The following DENND4B variants were observed in gnomAD, a reference collection of about 807,000 sequenced individuals.
The protein encoded by DENND4B is DENN domain containing 4B.
DENND4B carries 67 observed loss-of-function variants against 161.0 expected under a neutral mutation model. The observed-to-expected ratio is 0.42, with a 90% CI of 0.34 to 0.51. The LOEUF is 0.51. DENND4B is among the 20% of genes least tolerant of loss of function. The pLI, the probability that DENND4B is intolerant of heterozygous loss-of-function variation, is 0.08. For missense variants in DENND4B, 1,481 were observed against 1,968.0 expected (o/e 0.75, Z 4.68); for synonymous variants, 753 against 813.8 (o/e 0.93, Z 1.27).
Position 153,934,063 on chromosome 1 carries a change from C to T in DENND4B, c.2941+72G>A. On this transcript the variant is annotated intron_variant, in intron 19 of 27. Coordinates refer to ENST00000361217, the MANE Select transcript of DENND4B (RefSeq NM_014856.3). The surrounding 1 kb of genome is among the most constrained non-coding windows in gnomAD (Gnocchi z 5.3). ...GGCCGCCCTCCACTCTGTTTCTGGT[C>T]TTCCCCACCTCACTAGCAAGTGGTT... 6.8e-7 allele frequency: 1 copy of T among 1,476,380 alleles called. No homozygotes were observed. Among genetic ancestry groups the T allele is most frequent in the Non-Finnish European group, 9.0e-7 (1 of 1,116,136 alleles). 91.5% of individuals were successfully genotyped at this position (1,476,380 alleles called of 1,614,324 possible). A position where few individuals can be genotyped will look rare whatever the true frequency, so the allele number is the denominator to read the frequency against.
rs200600366 is a variant in DENND4B at position 153,930,964 on chromosome 1, A to G, written c.4097T>C (p.Val1366Ala). The change falls in exon 25 of 28, where the codon GTG becomes GCG. Residue 1366 changes from valine (V) to alanine (A), a missense_variant. Val to Ala is a moderately conservative substitution (Grantham distance 64). Coordinates refer to ENST00000361217, the MANE Select transcript of DENND4B (RefSeq NM_014856.3). This position sits in a 1 kb window ranked among gnomAD's most constrained non-coding sequence, Gnocchi z 4.7. ...AGACTCACTGTGGACCCTCCAGAGCACATAGAGAGGTGGGCAGCTATTGGG... is the reference window on the plus strand; with the variant it reads ...AGACTCACTGTGGACCCTCCAGAGCGCATAGAGAGGTGGGCAGCTATTGGG... ...PDPNSCPPLY[V>A]LWRVHSQIPQ... 2.6e-5 allele frequency: 42 copies of G among 1,608,496 alleles called. No individual in the cohort carries two copies. Among genetic ancestry groups the G allele is most frequent in the Non-Finnish European group, 3.5e-5 (41 of 1,177,728 alleles).
At position 153,932,640 on chromosome 1, in the gene DENND4B, AC is replaced by A. The variant is rs1256164688; in HGVS notation, c.3759+1del. On this transcript the variant is annotated splice_donor_variant, in intron 23 of 27. Transcript: ENST00000361217. LOFTEE classifies it high-confidence loss of function. This position sits in a 1 kb window ranked among gnomAD's most constrained non-coding sequence, Gnocchi z 5.8. ...CTCATGCCCCTTTGGCCCAGCCCTT[AC>A]CCCCATGTGCCCGTTGCAGAGCTGG... 1.2e-6 allele frequency: 2 copies of A among 1,611,234 alleles called. No individual in the cohort carries two copies. Among genetic ancestry groups the A allele is most frequent in the Non-Finnish European group, 1.7e-6 (2 of 1,178,312 alleles).
Position 153,936,223 on chromosome 1 carries a change from C to G in DENND4B, c.2440-35G>C. On this transcript the variant is annotated intron_variant, in intron 16 of 27. Transcript: ENST00000361217. The surrounding 1 kb of genome is among the most constrained non-coding windows in gnomAD (Gnocchi z 4.1). ...GAGAGGCACAGGACAATGGGAGACT[C>G]ACTCTCAACCAAAACCAAAGTCTCA... The G allele has an allele frequency of 6.3e-7, 1 of 1,580,396 alleles. No individual in the cohort carries two copies. Among genetic ancestry groups the G allele is most frequent in the African/African-American group, 1.3e-5 (1 of 74,266 alleles).
chr1:153,937,373 A>G lies in DENND4B; in HGVS notation c.2232+115T>C, dbSNP rs1049613896. On this transcript the variant is annotated intron_variant, in intron 15 of 27. Coordinates refer to ENST00000361217, the MANE Select transcript of DENND4B (RefSeq NM_014856.3). This position sits in a 1 kb window ranked among gnomAD's most constrained non-coding sequence, Gnocchi z 4.7. ...ATGTGCCAAGCACATTTAAACTCCTAACAACCTCATGGGTTAAGTATTATT... is the reference window on the plus strand; with the variant it reads ...ATGTGCCAAGCACATTTAAACTCCTGACAACCTCATGGGTTAAGTATTATT... 2.8e-6 allele frequency: 4 copies of G among 1,406,586 alleles called. No individual in the cohort carries two copies. The highest frequency in any genetic ancestry group is 3.7e-6 in the Non-Finnish European group (4 of 1,073,506). The allele number at this position is 1,406,586 out of a possible 1,614,324, so 87.1% of individuals were successfully genotyped here.
rs973225495 is a variant in DENND4B at position 153,942,839 on chromosome 1, C to A, written c.570+39G>T. The A allele has an allele frequency of 1.3e-6, 2 of 1,565,304 alleles. No individual in the cohort carries two copies. The highest frequency in any genetic ancestry group is 1.7e-6 in the Non-Finnish European group (2 of 1,151,620). ...TTCCCAGTGTCCACACCCACTCTTACACCAAGAGGACCAGGTGTCAGCTCT... is the reference window on the plus strand; with the variant it reads ...TTCCCAGTGTCCACACCCACTCTTAAACCAAGAGGACCAGGTGTCAGCTCT... On this transcript the variant is annotated intron_variant, in intron 3 of 27. Transcript: ENST00000361217. This position sits in a 1 kb window ranked among gnomAD's most constrained non-coding sequence, Gnocchi z 6.9.
rs2102085884 is a variant in DENND4B, at chr1:153,946,225, C to T, written c.-24+76G>A. On this transcript the variant is annotated intron_variant, in intron 1 of 27. Coordinates refer to ENST00000361217, the MANE Select transcript of DENND4B (RefSeq NM_014856.3). The surrounding 1 kb of genome is among the most constrained non-coding windows in gnomAD (Gnocchi z 6.3). ...TGAGGGACAGCAGCTGGGGGCCATC[C>T]CCCACCCCGCCTGCCGCCCGCGCTC... The T allele has an allele frequency of 1.2e-5, 4 of 325,862 alleles. No individual in the cohort carries two copies. In the South Asian group the frequency reaches 5.9e-4, roughly 48 times the overall value. 20.2% of individuals were successfully genotyped at this position (325,862 alleles called of 1,614,324 possible). A position where few individuals can be genotyped will look rare whatever the true frequency, so the allele number is the denominator to read the frequency against.
At chr1:153,939,099 C>A (rs367693291) in intron 12 of DENND4B, 54 bp from the exon 13 acceptor site, 7 of 1,587,164 alleles carry the variant, frequency 4.4e-6, no homozygotes, top group South Asian at 1.1e-5. Context: ...CTCTCCACCA[C>A]AGCCATAGCT....
chr1:153,941,822 C>T (rs1481052441), intron 6 of DENND4B, 47 bp downstream of exon 6: 2 of 1,605,402 alleles, frequency 1.2e-6, no homozygotes, highest in African/African-American at 1.3e-5. Flanking sequence ...TCCTGGCCCC[C>T]TTATCCCTTC....
At chr1:153,943,499 C>G (rs1679789469) in intron 2 of DENND4B, among the ~76,000 whole-genome samples, 2 of 152,014 alleles carry the variant, frequency 1.3e-5, no homozygotes, top group African/African-American at 4.8e-5. Flanking sequence ...CCAACATGGT[C>G]AAACCCCATC....
Position 153,942,744 on chromosome 1 carries a change from G to A in DENND4B, c.571-119C>T. On this transcript the variant is annotated intron_variant, in intron 3 of 27. Transcript: ENST00000361217. The surrounding 1 kb of genome is among the most constrained non-coding windows in gnomAD (Gnocchi z 6.9). Reference sequence around the variant, plus strand: ...CTTTAAAGCTCCCATTAATCCCAGTGCCCCAAGACCAGAGTTACCCCTCTG... The same window carrying A: ...CTTTAAAGCTCCCATTAATCCCAGTACCCCAAGACCAGAGTTACCCCTCTG... The A allele has an allele frequency of 1.4e-6, 2 of 1,473,634 alleles. No individual in the cohort carries two copies. The highest frequency in any genetic ancestry group is 1.8e-6 in the Non-Finnish European group (2 of 1,108,212). The allele number at this position is 1,473,634 out of a possible 1,614,324, so 91.3% of individuals were successfully genotyped here. A position where few individuals can be genotyped will look rare whatever the true frequency, so the allele number is the denominator to read the frequency against.
intron 1 of DENND4B, chr1:153,945,111 G>T: frequency 7.8e-7 from 1 of 1,289,374 alleles, no homozygotes; most frequent in Non-Finnish European, 1.0e-6. Context: ...GACAGAAACA[G>T]GCCCACAACA....
chr1:153,932,201 G>T lies in DENND4B; in HGVS notation c.3996+3C>A. 2 of 1,612,524 alleles carry T rather than the reference G, an allele frequency of 1.2e-6. No homozygotes were observed. The highest frequency in any genetic ancestry group is 2.2e-5 in the South Asian group (2 of 90,832). ...GAAACAGGGGCCACATGGGGGCACT[G>T]ACCTGGGAGTGCGAAGGCCCATCAC... On this transcript the variant is annotated splice_donor_region_variant and intron_variant, in intron 24 of 27. Transcript: ENST00000361217. The surrounding 1 kb of genome is among the most constrained non-coding windows in gnomAD (Gnocchi z 5.8).
Position 153,936,166 on chromosome 1 carries a change from T to C in DENND4B, c.2462A>G (p.Gln821Arg), listed in dbSNP as rs1347122399. The change falls in exon 17 of 28, where the codon CAG (glutamine) becomes CGG (arginine). Residue 821 changes from glutamine (Q) to arginine (R), a missense_variant. By Grantham distance (43) the Gln-to-Arg change is conservative (BLOSUM62 1). Transcript: ENST00000361217. The surrounding 1 kb of genome is among the most constrained non-coding windows in gnomAD (Gnocchi z 4.1). ...PDEVCYRVLM[Q>R]LCSHYGQPVL... Reference sequence around the variant, plus strand: ...AGGCTGCCCATAGTGTGAGCAGAGCTGCATCAGTACCCGGTAACACACCTG... The same window carrying C: ...AGGCTGCCCATAGTGTGAGCAGAGCCGCATCAGTACCCGGTAACACACCTG... 1 of 1,608,114 alleles carries C rather than the reference T, an allele frequency of 6.2e-7. No homozygotes were observed. Among genetic ancestry groups the C allele is most frequent in the East Asian group, 2.2e-5 (1 of 44,646 alleles).
In DENND4B at chr1:153,937,966, A is replaced by G; in HGVS notation, c.1966-103T>C. On this transcript the variant is annotated intron_variant, in intron 13 of 27. Transcript: ENST00000361217. This position sits in a 1 kb window ranked among gnomAD's most constrained non-coding sequence, Gnocchi z 4.7. ...TCCCAGGAAAGCTCATCCACAAGGA[A>G]AGAGACACAGCCTGGGAAGATGGCG... 1 of 1,523,666 alleles carries G rather than the reference A, an allele frequency of 6.6e-7. No individual in the cohort carries two copies. Among genetic ancestry groups the G allele is most frequent in the Non-Finnish European group, 9.0e-7 (1 of 1,114,032 alleles). The allele number at this position is 1,523,666 out of a possible 1,614,324, so 94.4% of individuals were successfully genotyped here.
Position 153,942,043 on chromosome 1 carries a change from G to T in DENND4B, c.881C>A (p.Ala294Glu), listed in dbSNP as rs1679704189. Residue 294 changes from alanine (A) to glutamate (E), a missense_variant, in exon 6 of 28, where the codon GCA becomes GAA. By Grantham distance (107) the Ala-to-Glu change is moderately radical (BLOSUM62 -1). Transcript: ENST00000361217. This position sits in a 1 kb window ranked among gnomAD's most constrained non-coding sequence, Gnocchi z 6.9. ...CTCCACGGCGCTCAGCAGGCCCAGT[G>T]CCCGTGCCTGTCGCTCTGATAGCCT... is the stretch of plus-strand genomic sequence containing the variant. ...RARLSERQAR[A>E]LGLLSAVERG... is the part of the protein sequence containing the mutation. 1.2e-6 allele frequency: 2 copies of T among 1,611,600 alleles called. No individual in the cohort carries two copies. The highest frequency in any genetic ancestry group is 1.3e-5 in the African/African-American group (1 of 74,990).
chr1:153,935,985 G>T, intron 17 of DENND4B, 75 bp downstream of exon 17: 1 of 1,566,412 alleles, frequency 6.4e-7, no homozygotes, highest in Non-Finnish European at 8.7e-7. Context: ...TCCAAGGAGC[G>T]AGGGGAGCAG....
Position 153,934,993 on chromosome 1 carries a change from C to G in DENND4B, c.2569-29G>C, listed in dbSNP as rs1213324709. The G allele has an allele frequency of 6.2e-7, 1 of 1,603,936 alleles. No individual in the cohort carries two copies. The highest frequency in any genetic ancestry group is 1.1e-5 in the South Asian group (1 of 90,962). On this transcript the variant is annotated intron_variant, in intron 17 of 27. Transcript: ENST00000361217. This position sits in a 1 kb window ranked among gnomAD's most constrained non-coding sequence, Gnocchi z 5.3. ...CCAAGCACAGTGCCCATCAGGATGG[C>G]CTACCTCGACACCCTAACCCTGCCT...
Position 153,945,185 on chromosome 1 carries a change from C to T in DENND4B, c.-23-788G>A, listed in dbSNP as rs1055412199. On this transcript the variant is annotated intron_variant, in intron 1 of 27. Coordinates refer to ENST00000361217, the MANE Select transcript of DENND4B (RefSeq NM_014856.3). ...AGTAGGAGCCCCAAGGGTCCTGAGG[C>T]GCCCCAGGGTGCAGAAGCTGGGAAA... 1.4e-5 allele frequency: 18 copies of T among 1,289,162 alleles called. No homozygotes were observed. The Admixed American group carries it at 3.4e-4, about 25-fold the overall frequency. 79.9% of individuals were successfully genotyped at this position (1,289,162 alleles called of 1,614,324 possible).
chr1:153,944,755 A>T lies in DENND4B; in HGVS notation c.-23-358T>A, dbSNP rs1679871082. On this transcript the variant is annotated intron_variant, in intron 1 of 27. Transcript: ENST00000361217. The surrounding 1 kb of genome is among the most constrained non-coding windows in gnomAD (Gnocchi z 4.8). ...GTAATAGCCTTCCATGACATCATTC[A>T]TGCTGGCCATGACATCATACCAACC... Among the ~76,000 whole-genome samples the T allele has an allele frequency of 6.6e-6, 1 of 152,206 alleles. No individual in the cohort carries two copies. The highest frequency in any genetic ancestry group is 2.1e-4 in the South Asian group (1 of 4,836).
Sources: allele counts gnomAD v4.1 joint callset (sites outside exome capture counted in the v4.1 genomes callset), GRCh38; gene constraint gnomAD v4.1.1; non-coding constraint Gnocchi (gnomAD v3.1); transcripts MANE v1.5; gene names NCBI Gene and HGNC (gene_info 2026-07-23, HGNC 2026-07-21).